CPNE3: variants seen among roughly 807,000 people sequenced by gnomAD.
The protein encoded by CPNE3 is copine-3.
CPNE3 carries 68 observed loss-of-function variants against 63.9 expected under a neutral mutation model. The ratio of observed to expected loss-of-function variants is 1.06; its 90% CI spans 0.87 to 1.30. CPNE3 has a LOEUF of 1.30. CPNE3 is among the 50% of genes most tolerant of loss of function. The probability of loss-of-function intolerance (pLI) is 0.00; values close to 1 mark genes in which losing one functional copy is unlikely to be tolerated. For missense variants in CPNE3, 665 were observed against 578.1 expected (o/e 1.15, Z -1.54); for synonymous variants, 219 against 197.5 (o/e 1.11, Z -0.91).
intron 6 of CPNE3, among the ~76,000 whole-genome samples, chr8:86,533,420 G>A (rs189981977): frequency 1.7e-3 from 252 of 151,882 alleles, no homozygotes; most frequent in Middle Eastern, 6.8e-3. Context: ...GCATGTGCCT[G>A]TAATCCCATG....
intron 12 of CPNE3, 79 bp downstream of exon 12, chr8:86,548,513 C>CTCTGATATAG: frequency 6.4e-7 from 1 of 1,561,038 alleles, no homozygotes; most frequent in Admixed American, 1.7e-5. Context: ...TCGGCTAGCA[C>CTCTGATATAG]TCTGATATAG....
Position 86,554,905 on chromosome 8 carries a change from A to G in CPNE3, c.1175A>G (p.Tyr392Cys), listed in dbSNP as rs747157675. Residue 392 changes from tyrosine (Y) to cysteine (C), a missense_variant, in exon 15 of 17, where the codon TAT becomes TGT. Transcript: ENST00000517490. ...YRSCLPQIKL[Y>C]GPTNFSPIIN... ...TCTTGTCTTCCTCAGATAAAACTCT[A>G]TGGACCAACTAATTTTTCTCCAATC... 1 of 1,614,028 alleles carries G rather than the reference A, an allele frequency of 6.2e-7. No homozygotes were observed. Among genetic ancestry groups the G allele is most frequent in the African/African-American group, 1.3e-5 (1 of 74,926 alleles).
chr8:86,521,289 T>C (rs1820430108), intron 2 of CPNE3, among the ~76,000 whole-genome samples: 1 of 152,340 alleles, frequency 6.6e-6, no homozygotes, highest in East Asian at 1.9e-4. Flanking sequence ...GGAACTGCTA[T>C]GAGGTAAATA....
intron 2 of CPNE3, among the ~76,000 whole-genome samples, chr8:86,527,521 G>A (rs1034392303): frequency 2.0e-5 from 3 of 152,176 alleles, no homozygotes; most frequent in Non-Finnish European, 2.9e-5. Context: ...GGGAAGATGG[G>A]CCACACCTTC....
chr8:86,539,167 A>AT (rs1820871915), intron 7 of CPNE3, among the ~76,000 whole-genome samples: 2 of 152,036 alleles, frequency 1.3e-5, no homozygotes, highest in South Asian at 4.1e-4. Flanking sequence ...TCATTATTGT[A>AT]TTTTTGCTGC....
intron 2 of CPNE3, among the ~76,000 whole-genome samples, chr8:86,524,348 C>T (rs1820494783): frequency 6.6e-6 from 1 of 152,128 alleles, no homozygotes; most frequent in Non-Finnish European, 1.5e-5. Flanking sequence ...TCTTAATTCT[C>T]AGCTCCTTAT....
chr8:86,550,279 C>T (rs920049352), intron 12 of CPNE3, among the ~76,000 whole-genome samples: 1 of 152,060 alleles, frequency 6.6e-6, no homozygotes, highest in South Asian at 2.1e-4. Context: ...GAAAGGGTCT[C>T]GCTCTGTCAC....
At position 86,529,017 on chromosome 8, in the gene CPNE3, T is replaced by C. The variant is rs373300639; in HGVS notation, c.205T>C (p.Phe69Leu). ...FSKTFIIDYY[F>L]EVVQKLKFGV... ...CAAGACATTTATTATTGATTACTACTTTGAAGTGGTTCAGAAATTGAAATT... is the reference window on the plus strand; with the variant it reads ...CAAGACATTTATTATTGATTACTACCTTGAAGTGGTTCAGAAATTGAAATT... Residue 69 changes from phenylalanine to leucine, a missense_variant, in exon 4 of 17, where the codon TTT becomes CTT. Coordinates refer to ENST00000517490, the MANE Select transcript of CPNE3 (RefSeq NM_003909.5). The C allele has an allele frequency of 6.2e-7, 1 of 1,613,768 alleles. No homozygotes were observed. Among genetic ancestry groups the C allele is most frequent in the Non-Finnish European group, 8.5e-7 (1 of 1,179,724 alleles).
intron 8 of CPNE3, among the ~76,000 whole-genome samples, chr8:86,541,778 A>G (rs1820947399): frequency 6.6e-6 from 1 of 151,996 alleles, no homozygotes; most frequent in East Asian, 1.9e-4. Context: ...AAAGAACTTT[A>G]AAAATCAATC....
intron 15 of CPNE3, 33 bp downstream of exon 15, chr8:86,555,017 T>C (rs1168543073): frequency 1.2e-6 from 2 of 1,612,554 alleles, no homozygotes; most frequent in Non-Finnish European, 1.7e-6. Flanking sequence ...ATGGGAAGAA[T>C]GTGGATTGGT....
chr8:86,553,863 C>A (rs1234960888), intron 14 of CPNE3: 1 of 151,512 alleles, frequency 6.6e-6, no homozygotes, highest in Admixed American at 6.6e-5. Flanking sequence ...ATATTAAGGG[C>A]AGATTCAACA....
rs1342567625 is a variant in CPNE3, at chr8:86,532,572, G to A, written c.451G>A (p.Asp151Asn). 21 of 1,612,358 alleles carry A rather than the reference G, an allele frequency of 1.3e-5. No homozygotes were observed. Among genetic ancestry groups the A allele is most frequent in the Non-Finnish European group, 1.5e-5 (18 of 1,179,240 alleles). The change falls in exon 6 of 17, where the codon GAT becomes AAT. Residue 151 changes from aspartate to asparagine, a missense_variant. By Grantham distance (23) the Asp-to-Asn change is conservative. Transcript: ENST00000517490. The part of the protein sequence containing the change: ...VLFEMEARKL[D>N]NKDLFGKSDP... The stretch of plus-strand genomic sequence containing the variant: ...GTTTGAAATGGAAGCCAGAAAACTG[G>A]ATAATAAGGTGGGTAGACTATGCAG...
At chr8:86,540,595 A>C (rs560387881) in intron 8 of CPNE3, among the ~76,000 whole-genome samples, 1 of 152,328 alleles carries the variant, frequency 6.6e-6, no homozygotes, top group South Asian at 2.1e-4. Flanking sequence ...ATTTTAAAAA[A>C]TAAAATGTCC....
chr8:86,527,345 T>A (rs927372888), intron 2 of CPNE3, among the ~76,000 whole-genome samples: 1 of 152,092 alleles, frequency 6.6e-6, no homozygotes, highest in South Asian at 2.1e-4. Context: ...ATTCCCTGGG[T>A]TCATGGATGA....
At chr8:86,551,967 C>T (rs1821190753) in intron 14 of CPNE3, among the ~76,000 whole-genome samples, 2 of 152,204 alleles carry the variant, frequency 1.3e-5, no homozygotes, top group Admixed American at 6.5e-5. Flanking sequence ...TGCCCAGCCA[C>T]GTTTTACTTT....
chr8:86,525,778 T>A (rs147420182), intron 2 of CPNE3, among the ~76,000 whole-genome samples: 1 of 152,192 alleles, frequency 6.6e-6, no homozygotes, highest in African/African-American at 2.4e-5. Context: ...ATCCTCTACA[T>A]GTTTTTTTGG....
intron 6 of CPNE3, among the ~76,000 whole-genome samples, chr8:86,535,004 G>T (rs1294986620): frequency 2.6e-5 from 4 of 152,084 alleles, no homozygotes; most frequent in Non-Finnish European, 5.9e-5. Flanking sequence ...TCCAATTTTG[G>T]CCTGAGGGAA....
intron 2 of CPNE3, among the ~76,000 whole-genome samples, chr8:86,526,262 A>G (rs746412740): frequency 7.9e-5 from 12 of 152,156 alleles, no homozygotes; most frequent in Non-Finnish European, 1.8e-4. Context: ...CATTACCCCA[A>G]ATTTGATCTT....
intron 2 of CPNE3, among the ~76,000 whole-genome samples, chr8:86,523,524 A>G (rs1820479050): frequency 6.6e-6 from 1 of 152,244 alleles, no homozygotes; most frequent in Non-Finnish European, 1.5e-5. Context: ...GTGCCATAAC[A>G]GCATGAGGGG....
Sources: gnomAD v4.1 joint callset for allele counts (sites outside exome capture counted in the v4.1 genomes callset) on GRCh38, gnomAD v4.1.1 for gene constraint, MANE v1.5 for transcripts, NCBI Gene and HGNC (gene_info 2026-07-23, HGNC 2026-07-21) for gene names.